IFT81: variants seen among roughly 807,000 people sequenced by gnomAD.
IFT81 encodes the protein intraflagellar transport protein 81 homolog.
A neutral mutation model predicts 102.6 loss-of-function variants in IFT81; 72 were observed. The observed-to-expected ratio is 0.70, with a 90% CI of 0.58 to 0.85. The LOEUF (loss-of-function observed/expected upper bound fraction) is 0.85. IFT81 is among the 40% of genes least tolerant of loss of function. The pLI is 0.00. For synonymous variants in IFT81, 237 were observed against 242.7 expected (o/e 0.98, Z 0.22); for missense variants, 723 against 787.3 (o/e 0.92, Z 0.98).
Position 110,143,547 on chromosome 12 carries a change from T to G in IFT81, c.945+2T>G. On this transcript the variant is annotated splice_donor_variant, in intron 9 of 18. Transcript: ENST00000242591. LOFTEE classifies it high-confidence loss of function. ...GATCTTCTTGAACTTGAATCTAAAG[T>G]AAGTGAGAATCATCTTTTTATAGCT... 1 of 1,538,186 alleles carries G rather than the reference T, an allele frequency of 6.5e-7. No individual in the cohort carries two copies. The highest frequency in any genetic ancestry group is 8.7e-7 in the Non-Finnish European group (1 of 1,154,232).
At chr12:110,190,841 T>A in intron 12 of IFT81, 79 bp from the exon 13 acceptor site, 1 of 1,265,626 alleles carries the variant, frequency 7.9e-7, no homozygotes, top group Middle Eastern at 2.2e-4. Flanking sequence ...TTTTTTGTTA[T>A]GTATGAAATT....
At position 110,127,399 on chromosome 12, in the gene IFT81, T is replaced by C; in HGVS notation, c.19T>C (p.Phe7Leu). 1 of 1,584,818 alleles carries C rather than the reference T, an allele frequency of 6.3e-7. No homozygotes were observed. Among genetic ancestry groups the C allele is most frequent in the South Asian group, 1.2e-5 (1 of 85,246 alleles). Residue 7 changes from phenylalanine (F) to leucine (L), a missense_variant, in exon 2 of 19, where the codon TTC becomes CTC. Coordinates refer to ENST00000242591, the MANE Select transcript of IFT81 (RefSeq NM_014055.4). MSDQIK[F>L]IMDSLNKEPF... ...CCTAATTATGAGTGATCAAATTAAA[T>C]TCATTATGGACAGTCTCAATAAGGA...
At chr12:110,126,122 C>T (rs1893825453) in intron 1 of IFT81, among the ~76,000 whole-genome samples, 1 of 151,984 alleles carries the variant, frequency 6.6e-6, no homozygotes, top group Admixed American at 6.6e-5. Flanking sequence ...ACTAAAAATA[C>T]AAAAAATTAG....
chr12:110,126,054 G>A (rs1893820402), intron 1 of IFT81, among the ~76,000 whole-genome samples: 1 of 152,102 alleles, frequency 6.6e-6, no homozygotes, highest in Non-Finnish European at 1.5e-5. Context: ...CAAGGTGGGC[G>A]GATCACGAGG....
rs189391297 is a variant in IFT81 at position 110,163,312 on chromosome 12, C to T, written c.1188+247C>T. On this transcript the variant is annotated intron_variant, in intron 11 of 18. Coordinates refer to ENST00000242591, the MANE Select transcript of IFT81 (RefSeq NM_014055.4). ...CTGGGGTGCAATGGCGGGATCTCTG[C>T]TCACTGCAACCTCCGCCTACCAGGT... Among the ~76,000 whole-genome samples the T allele has an allele frequency of 3.3e-3, 502 of 152,090 alleles. 4 individuals are homozygous for T. Among genetic ancestry groups the T allele is most frequent in the African/African-American group, 0.012 (486 of 41,486 alleles).
intron 14 of IFT81, among the ~76,000 whole-genome samples, chr12:110,200,546 G>A (rs1160849203): frequency 1.3e-5 from 2 of 152,132 alleles, no homozygotes; most frequent in African/African-American, 4.8e-5. Flanking sequence ...GAATGTGAAG[G>A]TCTAGGACAT....
intron 8 of IFT81, among the ~76,000 whole-genome samples, chr12:110,141,506 C>T (rs1470011298): frequency 1.3e-5 from 2 of 152,086 alleles, no homozygotes; most frequent in Admixed American, 6.6e-5. Flanking sequence ...AGGCTTTGGG[C>T]CAGATGTATT....
At chr12:110,197,588 C>G (rs1898071933) in intron 14 of IFT81, among the ~76,000 whole-genome samples, 1 of 137,194 alleles carries the variant, frequency 7.3e-6, no homozygotes, top group African/African-American at 2.7e-5. Flanking sequence ...ATATATACCT[C>G]ACTTAACAAA....
chr12:110,139,856 TA>T (rs1310965945), intron 8 of IFT81, among the ~76,000 whole-genome samples: 16 of 121,100 alleles, frequency 1.3e-4, no homozygotes, highest in African/African-American at 4.0e-4. Flanking sequence ...ATAAATAAAA[TA>T]AAATAAAATA....
In IFT81 at chr12:110,218,072, G is replaced by A. The variant is rs767079183; in HGVS notation, c.1877G>A (p.Arg626Gln). Residue 626 changes from arginine (R) to glutamine (Q), a missense_variant, in exon 19 of 19, where the codon CGA becomes CAA. Arg to Gln is a conservative substitution (Grantham distance 43). Transcript: ENST00000242591. ...KKLREKQKVIRESHGPNMKQA... is the reference protein window; with the variant it reads ...KKLREKQKVIQESHGPNMKQA... ...CTTCGGGAAAAACAAAAAGTTATAC[G>A]AGAAAGTCATGGTCCAAATATGAAA... The A allele has an allele frequency of 1.1e-5, 18 of 1,601,088 alleles. No homozygotes were observed. The highest frequency in any genetic ancestry group is 1.7e-4 in the Middle Eastern group (1 of 6,036).
rs188705157 is a variant in IFT81, at chr12:110,218,050, C to T, written c.1855C>T (p.Arg619Trp). ...AEQENLGKKLREKQKVIRESH... is the reference protein window; with the variant it reads ...AEQENLGKKLWEKQKVIRESH... ...TGTTTTTTTTTAATGATAGAAACTT[C>T]GGGAAAAACAAAAAGTTATACGAGA... is the stretch of plus-strand genomic sequence containing the variant. Residue 619 changes from arginine to tryptophan, a missense_variant, in exon 19 of 19, where the codon CGG becomes TGG. Coordinates refer to ENST00000242591, the MANE Select transcript of IFT81 (RefSeq NM_014055.4). 1.1e-5 allele frequency: 18 copies of T among 1,590,648 alleles called. No homozygotes were observed. The highest frequency in any genetic ancestry group is 1.4e-5 in the African/African-American group (1 of 73,002).
intron 8 of IFT81, among the ~76,000 whole-genome samples, chr12:110,140,232 G>A (rs993441584): frequency 6.6e-5 from 10 of 151,986 alleles, no homozygotes; most frequent in Admixed American, 1.3e-4. Context: ...TTTAAGCTCC[G>A]CACACATTAA....
chr12:110,131,705 G>C (rs920205957), intron 4 of IFT81, among the ~76,000 whole-genome samples: 1 of 152,034 alleles, frequency 6.6e-6, no homozygotes, highest in South Asian at 2.1e-4. Flanking sequence ...TAGGCCCTAG[G>C]GATACAAGGG....
At chr12:110,173,304 C>T (rs1332277085) in intron 11 of IFT81, among the ~76,000 whole-genome samples, 2 of 150,310 alleles carry the variant, frequency 1.3e-5, no homozygotes, top group African/African-American at 2.4e-5. Flanking sequence ...TGAGGAGCCT[C>T]TCTGCCCGGC....
At chr12:110,185,159 C>T (rs895146452) in intron 12 of IFT81, among the ~76,000 whole-genome samples, 10 of 152,110 alleles carry the variant, frequency 6.6e-5, no homozygotes, top group East Asian at 5.8e-4. Flanking sequence ...TGATATACAC[C>T]CTTGACTGAT....
At chr12:110,138,075 T>C (rs979206425) in intron 8 of IFT81, among the ~76,000 whole-genome samples, 5 of 152,166 alleles carry the variant, frequency 3.3e-5, no homozygotes, top group African/African-American at 1.2e-4. Flanking sequence ...AGTGGAAAGC[T>C]CTCATTTGTA....
chr12:110,140,548 C>T (rs1894828425), intron 8 of IFT81, among the ~76,000 whole-genome samples: 2 of 152,030 alleles, frequency 1.3e-5, no homozygotes, highest in South Asian at 4.1e-4. Context: ...TCTTTAAAAA[C>T]ATTTTAGTCT....
chr12:110,179,129 T>C (rs1897175701), intron 11 of IFT81, among the ~76,000 whole-genome samples: 1 of 152,108 alleles, frequency 6.6e-6, no homozygotes. Flanking sequence ...ATGGGTACCA[T>C]CCCAGTGTCT....
intron 11 of IFT81, among the ~76,000 whole-genome samples, chr12:110,172,751 C>G (rs1384132458): frequency 1.3e-5 from 2 of 152,168 alleles, no homozygotes; most frequent in Admixed American, 1.3e-4. Flanking sequence ...CTCCACCCCC[C>G]AGCCGCCTGC....
Sources: allele counts gnomAD v4.1 joint callset (sites outside exome capture counted in the v4.1 genomes callset), GRCh38; gene constraint gnomAD v4.1.1; transcripts MANE v1.5; gene names NCBI Gene and HGNC (gene_info 2026-07-23, HGNC 2026-07-21).